ERC2: variants seen among roughly 807,000 people sequenced by gnomAD.
ERC2 encodes the protein ELKS/RAB6-interacting/CAST family member 2.
ERC2 carries 42 observed loss-of-function variants against 114.8 expected under a neutral mutation model. The ratio of observed to expected loss-of-function variants is 0.37; its 90% CI spans 0.29 to 0.47. The LOEUF (loss-of-function observed/expected upper bound fraction) is 0.47. ERC2 is among the 20% of genes least tolerant of loss of function. The pLI, the probability that ERC2 is intolerant of heterozygous loss-of-function variation, is 0.99. For missense variants in ERC2, 939 were observed against 1,150.7 expected (o/e 0.82, Z 2.66); for synonymous variants, 454 against 425.5 (o/e 1.07, Z -0.82).
At chr3:55,817,363 T>C (rs76900166) in intron 14 of ERC2, among the ~76,000 whole-genome samples, 4,065 of 152,326 alleles carry the variant, frequency 0.027, 80 homozygotes, top group South Asian at 0.072. Context: ...TTTCCAGCAG[T>C]GAGGTGGGCA....
chr3:55,663,247 C>A (rs561435992), intron 17 of ERC2, among the ~76,000 whole-genome samples: 2 of 152,196 alleles, frequency 1.3e-5, no homozygotes, highest in Non-Finnish European at 2.9e-5. Flanking sequence ...ACCTTAAAAA[C>A]TAAATCCTAA....
At chr3:56,189,081 G>C (rs567113180) in intron 3 of ERC2, among the ~76,000 whole-genome samples, 1 of 152,158 alleles carries the variant, frequency 6.6e-6, no homozygotes, top group Non-Finnish European at 1.5e-5. Context: ...GTCTTGAAGA[G>C]GTTAATGGAG....
intron 7 of ERC2, among the ~76,000 whole-genome samples, chr3:56,021,910 T>C (rs1163298635): frequency 6.6e-6 from 1 of 152,214 alleles, no homozygotes; most frequent in Non-Finnish European, 1.5e-5. Context: ...TCTCATTCTT[T>C]TTTATGGCTA....
At chr3:55,741,931 A>T (rs187837231) in intron 14 of ERC2, among the ~76,000 whole-genome samples, 1 of 152,160 alleles carries the variant, frequency 6.6e-6, no homozygotes, top group Non-Finnish European at 1.5e-5. Flanking sequence ...CAATAGAGGA[A>T]AAAAGGGGGA....
chr3:56,109,568 C>T (rs192771119), intron 6 of ERC2, among the ~76,000 whole-genome samples: 61 of 152,174 alleles, frequency 4.0e-4, no homozygotes, highest in Non-Finnish European at 5.3e-4. Flanking sequence ...ACTGGTTACA[C>T]GAATTATAGT....
At chr3:56,386,300 T>C (rs536210705) in intron 2 of ERC2, among the ~76,000 whole-genome samples, 96 of 152,236 alleles carry the variant, frequency 6.3e-4, no homozygotes, top group Non-Finnish European at 1.2e-3. Flanking sequence ...TTAACAGTAA[T>C]AATTAAGTCA....
rs140049299 is a variant in ERC2, at chr3:56,176,194, T to C, written c.1075-2674A>G. 2.0e-5 allele frequency among the ~76,000 whole-genome samples: 3 copies of C among 152,308 alleles called. No individual in the cohort carries two copies. In the East Asian group the frequency reaches 5.8e-4, roughly 29 times the overall value. ...ACCAGGTGGCATCAAAATCATCTTA[T>C]TAAAAGCCAGGAATGCAATTCATAA... On this transcript the variant is annotated intron_variant, in intron 3 of 17. Transcript: ENST00000288221.
intron 12 of ERC2, among the ~76,000 whole-genome samples, chr3:55,968,536 G>A (rs901911531): frequency 2.0e-5 from 3 of 152,148 alleles, no homozygotes; most frequent in African/African-American, 7.2e-5. Flanking sequence ...GCAGTTTGCT[G>A]AAATGCTTTT....
At chr3:56,410,319 A>G (rs146378154) in intron 2 of ERC2, among the ~76,000 whole-genome samples, 1 of 152,374 alleles carries the variant, frequency 6.6e-6, no homozygotes, top group Non-Finnish European at 1.5e-5. Context: ...GTATTCATTA[A>G]ATGTACCACA....
At chr3:55,607,725 G>C (rs2058706471) in intron 17 of ERC2, 1 of 151,900 alleles carries the variant, frequency 6.6e-6, no homozygotes, top group South Asian at 2.1e-4. Context: ...CCAGCATCGG[G>C]GTAAGGGAGA....
At chr3:55,656,032 G>A (rs1009722768) in intron 17 of ERC2, among the ~76,000 whole-genome samples, 6 of 152,200 alleles carry the variant, frequency 3.9e-5, no homozygotes, top group Admixed American at 2.0e-4. Context: ...AATTTGTGGT[G>A]TTCTTTCTGT....
intron 6 of ERC2, among the ~76,000 whole-genome samples, chr3:56,131,073 C>A (rs887117111): frequency 5.9e-5 from 9 of 152,160 alleles, no homozygotes; most frequent in African/African-American, 1.9e-4. Context: ...ATAAAATGCA[C>A]ATAGACGAGG....
chr3:55,894,602 TA>T (rs1425268951), intron 13 of ERC2, among the ~76,000 whole-genome samples: 1 of 151,974 alleles, frequency 6.6e-6, no homozygotes, highest in African/African-American at 2.4e-5. Flanking sequence ...CCCTACTTTA[TA>T]AAAAAAGAAG....
intron 6 of ERC2, among the ~76,000 whole-genome samples, chr3:56,116,288 T>G (rs1284226967): frequency 6.6e-6 from 1 of 152,248 alleles, no homozygotes; most frequent in Non-Finnish European, 1.5e-5. Context: ...AGCTTGGCTT[T>G]AGAAATATTT....
chr3:55,700,851 T>C (rs1343904832), intron 15 of ERC2, among the ~76,000 whole-genome samples: 3 of 152,170 alleles, frequency 2.0e-5, no homozygotes, highest in Non-Finnish European at 4.4e-5. Context: ...GAATCTCGCA[T>C]AGGGCCTAGC....
intron 2 of ERC2, among the ~76,000 whole-genome samples, chr3:56,326,136 T>C (rs547075330): frequency 2.0e-5 from 3 of 152,276 alleles, no homozygotes; most frequent in South Asian, 4.1e-4. Context: ...AAAATTAGAA[T>C]TGGAAACTGA....
At chr3:56,284,994 C>CTG (rs1393382847) in intron 3 of ERC2, among the ~76,000 whole-genome samples, 1 of 106,400 alleles carries the variant, frequency 9.4e-6, no homozygotes, top group Non-Finnish European at 1.9e-5. Flanking sequence ...CTCTGTCTCT[C>CTG]TCTCTCTCTC....
intron 3 of ERC2, among the ~76,000 whole-genome samples, chr3:56,201,964 T>C (rs1050949491): frequency 6.6e-6 from 1 of 152,220 alleles, no homozygotes; most frequent in African/African-American, 2.4e-5. Flanking sequence ...AAGCAAATGC[T>C]GCCATTAACT....
intron 14 of ERC2, among the ~76,000 whole-genome samples, chr3:55,809,594 A>T (rs1435431346): frequency 6.6e-6 from 1 of 152,218 alleles, no homozygotes; most frequent in Non-Finnish European, 1.5e-5. Flanking sequence ...TCCGTAAAAC[A>T]ATAAGAAATA....
Sources: allele counts gnomAD v4.1 joint callset (sites outside exome capture counted in the v4.1 genomes callset), GRCh38; gene constraint gnomAD v4.1.1; transcripts MANE v1.5; gene names NCBI Gene and HGNC (gene_info 2026-07-23, HGNC 2026-07-21).